Variants in RRAS observed in about 807,000 individuals in gnomAD.
The protein encoded by RRAS is ras-related protein R-Ras.
RRAS carries 18 observed loss-of-function variants against 23.3 expected under a neutral mutation model. That is an observed-to-expected ratio of 0.77 (90% CI 0.53 to 1.15). The LOEUF is 1.15. RRAS is among the 50% of genes most tolerant of loss of function. The pLI is 0.00. For missense variants in RRAS, 291 were observed against 317.1 expected (o/e 0.92, Z 0.62); for synonymous variants, 133 against 138.3 (o/e 0.96, Z 0.27).
intron 1 of RRAS, among the ~76,000 whole-genome samples, chr19:49,638,632 G>T (rs1447329161): frequency 6.6e-6 from 1 of 152,142 alleles, no homozygotes; most frequent in African/African-American, 2.4e-5. Flanking sequence ...GGTAGTTAGG[G>T]GCGTGACCTC....
Position 49,640,107 on chromosome 19 carries a change from C to CGCT in RRAS, c.-12_-10dup, listed in dbSNP as rs1456166034. The CGCT allele has an allele frequency of 2.9e-6, 4 of 1,379,508 alleles. No individual in the cohort carries two copies. The highest frequency in any genetic ancestry group is 3.7e-6 in the Non-Finnish European group (4 of 1,078,314). 85.5% of individuals were successfully genotyped at this position (1,379,508 alleles called of 1,614,324 possible). A position where few individuals can be genotyped will look rare whatever the true frequency, so the allele number is the denominator to read the frequency against. ...GCCGCCCCGCTGCTCATGTCGCCAC[C>CGCT]GCTGCTGCTGCCTTCGCTACCGCCT... is the stretch of plus-strand genomic sequence containing the variant. On this transcript the variant is annotated 5_prime_UTR_variant, in exon 1 of 6. Transcript: ENST00000246792.
rs11400258 is a variant in RRAS, at chr19:49,637,301, C to CTTTT, written c.154-175_154-172dup. On this transcript the variant is annotated intron_variant, in intron 1 of 5. Transcript: ENST00000246792. ...CTCTGTCCCGTCTGTCTCTCTGAGT[C>CTTTT]TTTTTTTTTTTTTTTTTTTTTTGAG... Among the ~76,000 whole-genome samples, 66 of 104,072 alleles carry CTTTT rather than the reference C, an allele frequency of 6.3e-4. 6 individuals carry two copies. Among genetic ancestry groups the CTTTT allele is most frequent in the East Asian group, 1.2e-3 (4 of 3,274 alleles). The allele number at this position is 104,072 out of a possible 152,430, so 68.3% of individuals were successfully genotyped here.
intron 1 of RRAS, among the ~76,000 whole-genome samples, 155 bp from the exon 2 acceptor site, chr19:49,637,285 G>A (rs1338471947): frequency 1.5e-5 from 2 of 136,288 alleles, no homozygotes; most frequent in African/African-American, 2.8e-5. Context: ...TCTCTGTCCC[G>A]TCTGTCTCTC....
At position 49,635,845 on chromosome 19, in the gene RRAS, C is replaced by T. The variant is rs1039650903; in HGVS notation, c.461G>A (p.Arg154Gln). 24 of 548,364 alleles carry T rather than the reference C, an allele frequency of 4.4e-5. No individual in the cohort carries two copies. Among genetic ancestry groups the T allele is most frequent in the Non-Finnish European group, 6.2e-5 (20 of 324,870 alleles). 34.0% of individuals were successfully genotyped at this position (548,364 alleles called of 1,614,324 possible). A position where few individuals can be genotyped will look rare whatever the true frequency, so the allele number is the denominator to read the frequency against. ...GGCGCCGAAGGCAGAGGCTTCTGAT[C>T]GGGGGACCTGGGGGTAGGGGGGACA... ...ADLESQRQVP[R>Q]SEASAFGASH... is the part of the protein sequence containing the mutation. Residue 154 changes from arginine (R) to glutamine (Q), a missense_variant, in exon 5 of 6, where the codon CGA becomes CAA. Transcript: ENST00000246792.
At position 49,635,500 on chromosome 19, in the gene RRAS, G is replaced by A. The variant is rs1599812811; in HGVS notation, c.*76C>T. On this transcript the variant is annotated 3_prime_UTR_variant, in exon 6 of 6. Transcript: ENST00000246792. ...GATGAGGAAATTGAGGCTCAGTGAG[G>A]GCCTCAGGTCACACAGCAAGGTGCG... 2 of 879,520 alleles carry A rather than the reference G, an allele frequency of 2.3e-6. No homozygotes were observed. The highest frequency in any genetic ancestry group is 3.3e-6 in the Non-Finnish European group (2 of 613,248). 54.5% of individuals were successfully genotyped at this position (879,520 alleles called of 1,614,324 possible).
chr19:49,639,436 C>T (rs1453583620), intron 1 of RRAS, among the ~76,000 whole-genome samples: 19 of 62,410 alleles, frequency 3.0e-4, no homozygotes, highest in Non-Finnish European at 4.2e-4. Flanking sequence ...GAGACTCTGT[C>T]TCAAAAAAAA....
chr19:49,636,741 C>G lies in RRAS; in HGVS notation c.345-14G>C. ...ACCTCGTTGAAACTGCGAGTGAAGCCGGAGGCATGAGGTCCAGCCAGCTGC... is the reference window on the plus strand; with the variant it reads ...ACCTCGTTGAAACTGCGAGTGAAGCGGGAGGCATGAGGTCCAGCCAGCTGC... On this transcript the variant is annotated splice_polypyrimidine_tract_variant and intron_variant, in intron 3 of 5. Transcript: ENST00000246792. This position sits in a 1 kb window ranked among gnomAD's most constrained non-coding sequence, Gnocchi z 4.5. The G allele has an allele frequency of 1.2e-6, 2 of 1,613,138 alleles. No homozygotes were observed. The highest frequency in any genetic ancestry group is 1.7e-6 in the Non-Finnish European group (2 of 1,179,364).
chr19:49,637,301 C>CTTTTTTTTTTTTTTTT lies in RRAS; in HGVS notation c.154-187_154-172dup, dbSNP rs11400258. Among the ~76,000 whole-genome samples the CTTTTTTTTTTTTTTTT allele has an allele frequency of 2.9e-5, 3 of 104,114 alleles. 1 individual carries two copies. The allele number at this position is 104,114 out of a possible 152,430, so 68.3% of individuals were successfully genotyped here. A position where few individuals can be genotyped will look rare whatever the true frequency, so the allele number is the denominator to read the frequency against. ...CTCTGTCCCGTCTGTCTCTCTGAGT[C>CTTTTTTTTTTTTTTTT]TTTTTTTTTTTTTTTTTTTTTTGAG... On this transcript the variant is annotated intron_variant, in intron 1 of 5. Transcript: ENST00000246792.
In RRAS at chr19:49,637,035, G is replaced by A. The variant is rs758618522; in HGVS notation, c.241+8C>T. On this transcript the variant is annotated splice_region_variant and intron_variant, in intron 2 of 5. Coordinates refer to ENST00000246792, the MANE Select transcript of RRAS (RefSeq NM_006270.5). ...CCCCCATCCATCATCCATCCTTGCCGCCCTCACTGTCCAGCCGGGCTGGGA... is the reference window on the plus strand; with the variant it reads ...CCCCCATCCATCATCCATCCTTGCCACCCTCACTGTCCAGCCGGGCTGGGA... The A allele has an allele frequency of 5.6e-6, 9 of 1,612,990 alleles. No individual in the cohort carries two copies. Among genetic ancestry groups the A allele is most frequent in the South Asian group, 2.2e-5 (2 of 91,008 alleles).
At chr19:49,637,368 G>C (rs1375592418) in intron 1 of RRAS, among the ~76,000 whole-genome samples, 1 of 144,476 alleles carries the variant, frequency 6.9e-6, no homozygotes, top group Admixed American at 7.3e-5. Flanking sequence ...GTGCAATGGC[G>C]AGATCTCGGC....
chr19:49,636,493 G>A lies in RRAS; in HGVS notation c.453+126C>T. 1.3e-6 allele frequency: 1 copy of A among 747,620 alleles called. No individual in the cohort carries two copies. The highest frequency in any genetic ancestry group is 2.4e-6 in the Non-Finnish European group (1 of 424,094). The allele number at this position is 747,620 out of a possible 1,614,324, so 46.3% of individuals were successfully genotyped here. A position where few individuals can be genotyped will look rare whatever the true frequency, so the allele number is the denominator to read the frequency against. On this transcript the variant is annotated intron_variant, in intron 4 of 5. Transcript: ENST00000246792. The surrounding 1 kb of genome is among the most constrained non-coding windows in gnomAD (Gnocchi z 4.5). ...TCCAGTTTGGGGGTAACCCATCTAG[G>A]TGAGCTGTGTGACAGTGGCAGTCGC...
chr19:49,638,932 G>A (rs2081009375), intron 1 of RRAS, among the ~76,000 whole-genome samples: 1 of 151,824 alleles, frequency 6.6e-6, no homozygotes, highest in Non-Finnish European at 1.5e-5. Flanking sequence ...GGGTGGGAGA[G>A]TGGAGGTTTG....
At position 49,636,862 on chromosome 19, in the gene RRAS, G is replaced by A. The variant is rs1159717303; in HGVS notation, c.306C>T (p.His102=). The change falls in exon 3 of 6, where the codon CAC becomes CAT. Residue 102 remains histidine, a synonymous_variant. Transcript: ENST00000246792. This position sits in a 1 kb window ranked among gnomAD's most constrained non-coding sequence, Gnocchi z 4.5. The part of the protein sequence containing the change: ...AMREQYMRAG[H]GFLLVFAIND... ...TAATGGCGAACACCAGCAGGAAGCC[G>A]TGGCCAGCACGCATGTACTGCTCTC... 3.3e-5 allele frequency: 53 copies of A among 1,613,238 alleles called. No individual in the cohort carries two copies. In the East Asian group the frequency reaches 9.1e-4, roughly 28 times the overall value.
Position 49,635,654 on chromosome 19 carries a change from G to A in RRAS, c.579C>T (p.Tyr193=). ...GGCTCGGTGGGAGCTCTTGTTCCTGGTATTTCCTGTGGGAAAACGCCAGTG... is the reference window on the plus strand; with the variant it reads ...GGCTCGGTGGGAGCTCTTGTTCCTGATATTTCCTGTGGGAAAACGCCAGTG... ...FEQLVRAVRK[Y]QEQELPPSPP... is the part of the protein sequence containing the mutation. The change falls in exon 6 of 6, where the codon TAC becomes TAT. Residue 193 remains tyrosine (Y), a synonymous_variant. Coordinates refer to ENST00000246792, the MANE Select transcript of RRAS (RefSeq NM_006270.5). 1 of 1,468,738 alleles carries A rather than the reference G, an allele frequency of 6.8e-7. No homozygotes were observed. Among genetic ancestry groups the A allele is most frequent in the East Asian group, 2.5e-5 (1 of 39,690 alleles). The allele number at this position is 1,468,738 out of a possible 1,614,324, so 91.0% of individuals were successfully genotyped here. A position where few individuals can be genotyped will look rare whatever the true frequency, so the allele number is the denominator to read the frequency against.
In RRAS at chr19:49,637,024, C is replaced by T; in HGVS notation, c.241+19G>A. 3.1e-6 allele frequency: 5 copies of T among 1,612,684 alleles called. No individual in the cohort carries two copies. The highest frequency in any genetic ancestry group is 4.2e-6 in the Non-Finnish European group (5 of 1,179,176). On this transcript the variant is annotated intron_variant, in intron 2 of 5. Coordinates refer to ENST00000246792, the MANE Select transcript of RRAS (RefSeq NM_006270.5). Reference sequence around the variant, plus strand: ...CACTGACACCACCCCCATCCATCATCCATCCTTGCCGCCCTCACTGTCCAG... The same window carrying T: ...CACTGACACCACCCCCATCCATCATTCATCCTTGCCGCCCTCACTGTCCAG...
chr19:49,635,791 G>A lies in RRAS; in HGVS notation c.515C>T (p.Ser172Leu), dbSNP rs754342165. ...GTCCACGTTGAGACGCAGTTTGGCC[G>A]AGGCCTCAAAGTAGGCCACGTGGTG... ...ASHHVAYFEA[S>L]AKLRLNVDEA... is the part of the protein sequence containing the mutation. Residue 172 changes from serine (S) to leucine (L), a missense_variant, in exon 5 of 6, where the codon TCG (serine) becomes TTG (leucine). Ser to Leu is a moderately radical substitution (Grantham distance 145). Coordinates refer to ENST00000246792, the MANE Select transcript of RRAS (RefSeq NM_006270.5). 28 of 1,598,826 alleles carry A rather than the reference G, an allele frequency of 1.8e-5. No individual in the cohort carries two copies. The highest frequency in any genetic ancestry group is 2.4e-5 in the Non-Finnish European group (28 of 1,168,772).
rs73586595 is a variant in RRAS at position 49,638,870 on chromosome 19, T to A, written c.153+1076A>T. Among the ~76,000 whole-genome samples, 1,021 of 150,004 alleles carry A rather than the reference T, an allele frequency of 6.8e-3. 10 individuals are homozygous for A. Among genetic ancestry groups the A allele is most frequent in the African/African-American group, 0.024 (967 of 40,510 alleles). ...GGGTTTCTGAGAGGGGCTCAGGGAG[T>A]TGCAGCGGAGAAAGCATGGGATGGA... On this transcript the variant is annotated intron_variant, in intron 1 of 5. Coordinates refer to ENST00000246792, the MANE Select transcript of RRAS (RefSeq NM_006270.5).
rs1217366874 is a variant in RRAS at position 49,636,050 on chromosome 19, C to T, written c.454-198G>A. Among the ~76,000 whole-genome samples the T allele has an allele frequency of 1.3e-5, 2 of 152,192 alleles. No individual in the cohort carries two copies. The highest frequency in any genetic ancestry group is 2.4e-5 in the African/African-American group (1 of 41,444). ...CTAAGTAAGGGATGGGGGCAGGCTT[C>T]GTGGGCACTTGCCCTGCTATGCCTT... On this transcript the variant is annotated intron_variant, in intron 4 of 5. Coordinates refer to ENST00000246792, the MANE Select transcript of RRAS (RefSeq NM_006270.5). This position sits in a 1 kb window ranked among gnomAD's most constrained non-coding sequence, Gnocchi z 4.5.
rs1179394919 is a variant in RRAS at position 49,635,728 on chromosome 19, G to A, written c.572+6C>T. The A allele has an allele frequency of 1.3e-6, 2 of 1,562,594 alleles. No homozygotes were observed. Among genetic ancestry groups the A allele is most frequent in the African/African-American group, 1.4e-5 (1 of 73,856 alleles). On this transcript the variant is annotated splice_donor_region_variant and intron_variant, in intron 5 of 5. Transcript: ENST00000246792. ...ACAAGGACGACAGGAAGGGGACTTG[G>A]CTCACCGGACAGCCCGCACCAGCTG...
Sources: gnomAD v4.1 joint callset for allele counts (sites outside exome capture counted in the v4.1 genomes callset) on GRCh38, gnomAD v4.1.1 for gene constraint, Gnocchi (gnomAD v3.1) non-coding constraint, MANE v1.5 for transcripts, NCBI Gene and HGNC (gene_info 2026-07-23, HGNC 2026-07-21) for gene names.